The following NAV1 variants were observed in gnomAD, a reference collection of about 807,000 sequenced individuals.
NAV1 encodes the protein neuron navigator 1.
NAV1 carries 18 observed loss-of-function variants against 175.2 expected under a neutral mutation model. The ratio of observed to expected loss-of-function variants is 0.10; its 90% confidence interval spans 0.07 to 0.15. The LOEUF (loss-of-function observed/expected upper bound fraction) is 0.15. NAV1 is among the 10% of genes least tolerant of loss of function. The pLI, the probability that NAV1 is intolerant of heterozygous loss-of-function variation, is 1.00. For missense variants in NAV1, 1,731 were observed against 2,436.6 expected (o/e 0.71, Z 6.10); for synonymous variants, 897 against 978.7 (o/e 0.92, Z 1.56).
intron 3 of NAV1, among the ~76,000 whole-genome samples, chr1:201,720,397 C>A (rs1288281491): frequency 1.3e-5 from 2 of 152,180 alleles, no homozygotes; most frequent in Non-Finnish European, 2.9e-5. Context: ...CCCTGCCCAG[C>A]ACAGCTCCCA....
chr1:201,721,953 G>T (rs1318253369), intron 3 of NAV1, among the ~76,000 whole-genome samples: 2 of 152,136 alleles, frequency 1.3e-5, no homozygotes, highest in Non-Finnish European at 2.9e-5. Context: ...GCCCCTTTCA[G>T]GTCATTAGTC....
At chr1:201,701,705 G>A (rs114905792) in intron 1 of NAV1, among the ~76,000 whole-genome samples, 2,873 of 152,286 alleles carry the variant, frequency 0.019, 94 homozygotes, top group African/African-American at 0.066. Flanking sequence ...CATACCCACT[G>A]GATGGCTATC....
chr1:201,756,794 CTCTTTCTTTCTT>C (rs1319044206), intron 3 of NAV1, among the ~76,000 whole-genome samples: 1 of 143,558 alleles, frequency 7.0e-6, no homozygotes, highest in African/African-American at 2.6e-5. Flanking sequence ...ATGAGCAATT[CTCTTTCTTTCTT>C]TCCTTCTTTC....
At chr1:201,737,318 A>T (rs1673156674) in intron 3 of NAV1, 3 of 152,178 alleles carry the variant, frequency 2.0e-5, no homozygotes, top group African/African-American at 7.2e-5. Flanking sequence ...TGTGGGACTT[A>T]CCGTCCTCAT....
At chr1:201,563,281 G>A (rs377729734) in intron 1 of NAV1, among the ~76,000 whole-genome samples, 45 of 152,258 alleles carry the variant, frequency 3.0e-4, no homozygotes, top group African/African-American at 1.0e-3. Flanking sequence ...GCGTCCGGAC[G>A]CCGGGACCCA....
At chr1:201,547,458 G>T (rs1470677192) in intron 1 of NAV1, among the ~76,000 whole-genome samples, 2 of 152,146 alleles carry the variant, frequency 1.3e-5, no homozygotes, top group African/African-American at 2.4e-5. Context: ...CTCAGTTAAG[G>T]CCTAAATTGG....
At chr1:201,720,424 G>A (rs971458089) in intron 3 of NAV1, among the ~76,000 whole-genome samples, 35 of 152,052 alleles carry the variant, frequency 2.3e-4, no homozygotes, top group African/African-American at 7.2e-4. Flanking sequence ...TGGAGGTGAC[G>A]GGGCCCCTGC....
At chr1:201,653,491 G>A (rs1308209004) in intron 1 of NAV1, among the ~76,000 whole-genome samples, 4 of 151,942 alleles carry the variant, frequency 2.6e-5, no homozygotes, top group Non-Finnish European at 2.9e-5. Flanking sequence ...TGATTGATGT[G>A]AATTTTTTGG....
chr1:201,743,150 G>A (rs1673540679), intron 3 of NAV1, among the ~76,000 whole-genome samples: 1 of 152,158 alleles, frequency 6.6e-6, no homozygotes, highest in African/African-American at 2.4e-5. Flanking sequence ...ACAGTAGTGG[G>A]ATTTGTCCTC....
intron 1 of NAV1, among the ~76,000 whole-genome samples, chr1:201,551,601 T>C (rs896834493): frequency 1.2e-4 from 19 of 152,192 alleles, no homozygotes; most frequent in African/African-American, 4.1e-4. Context: ...AGAAATCATA[T>C]TGAGCTTTTA....
At chr1:201,577,949 C>T (rs1250229758) in intron 1 of NAV1, among the ~76,000 whole-genome samples, 1 of 152,190 alleles carries the variant, frequency 6.6e-6, no homozygotes, top group Admixed American at 6.5e-5. Context: ...CTTTAACTCG[C>T]AGATGCTTAA....
intron 3 of NAV1, among the ~76,000 whole-genome samples, chr1:201,720,427 G>A (rs732815): frequency 0.29 from 43,852 of 151,864 alleles, 6,451 homozygotes; most frequent in Admixed American, 0.33. Flanking sequence ...AGGTGACGGG[G>A]CCCCTGCCCA....
At chr1:201,648,140 C>A (rs1436648253), upstream of NAV1, 1 of 642,700 alleles carries the variant, frequency 1.6e-6, no homozygotes, top group Non-Finnish European at 1.9e-6. Flanking sequence ...TGTTTGCTCC[C>A]CGCCTTCCCC....
rs1382945647 is a variant in NAV1, at chr1:201,623,626, G to C, written c.-101+20G>C. The C allele has an allele frequency of 1.0e-6, 1 of 986,370 alleles. No homozygotes were observed. The highest frequency in any genetic ancestry group is 1.2e-6 in the Non-Finnish European group (1 of 830,390). The allele number at this position is 986,370 out of a possible 1,614,324, so 61.1% of individuals were successfully genotyped here. ...GTACAGGTGAGCTGGGGAGCAGGCA[G>C]GGAGGGAAGGGGGAAGAGCCATGCT... On this transcript the variant is annotated intron_variant, in intron 1 of 29. Coordinates refer to the NAV1 transcript ENST00000367302.
chr1:201,586,333 G>C (rs1180510291), intron 1 of NAV1, among the ~76,000 whole-genome samples: 1 of 151,968 alleles, frequency 6.6e-6, no homozygotes, highest in African/African-American at 2.4e-5. Flanking sequence ...TTTTTTAATG[G>C]GTACAGTTTA....
At chr1:201,789,032 T>G (rs1485680149) in intron 10 of NAV1, among the ~76,000 whole-genome samples, 1 of 152,214 alleles carries the variant, frequency 6.6e-6, no homozygotes, top group Non-Finnish European at 1.5e-5. Context: ...TAATAAATCC[T>G]TACAAATAAT....
intron 1 of NAV1, among the ~76,000 whole-genome samples, chr1:201,568,190 TC>T (rs1666419154): frequency 6.6e-6 from 1 of 152,162 alleles, no homozygotes; most frequent in African/African-American, 2.4e-5. Flanking sequence ...CCACTGCTCC[TC>T]CAGCTTGGTG....
intron 3 of NAV1, among the ~76,000 whole-genome samples, chr1:201,720,154 G>A (rs745834441): frequency 1.3e-5 from 2 of 152,230 alleles, no homozygotes; most frequent in Non-Finnish European, 2.9e-5. Flanking sequence ...CCTGTGCTGG[G>A]CAGGAAGGAG....
At chr1:201,633,115 A>G (rs1193320045) in intron 2 of NAV1, among the ~76,000 whole-genome samples, 3 of 152,182 alleles carry the variant, frequency 2.0e-5, no homozygotes, top group Non-Finnish European at 2.9e-5. Context: ...CTCCTTTTCA[A>G]TGAGGGAGAG....
Sources: allele counts gnomAD v4.1 joint callset (sites outside exome capture counted in the v4.1 genomes callset), GRCh38; gene constraint gnomAD v4.1.1; transcripts MANE v1.5; gene names NCBI Gene and HGNC (gene_info 2026-07-23, HGNC 2026-07-21).